Variants in CHFR observed in about 807,000 individuals in gnomAD.
CHFR encodes the protein E3 ubiquitin-protein ligase CHFR.
CHFR carries 57 observed loss-of-function variants against 87.6 expected under a neutral mutation model. The observed-to-expected ratio is 0.65, with a 90% CI of 0.53 to 0.81. The LOEUF is 0.81. CHFR is among the 30% of genes least tolerant of loss of function. The pLI, the probability that CHFR is intolerant of heterozygous loss-of-function variation, is 0.00. For synonymous variants in CHFR, 381 were observed against 359.2 expected, an observed-to-expected ratio of 1.06 and a Z score of -0.69; for missense variants, 797 against 865.8, an observed-to-expected ratio of 0.92 and a Z score of 1.00.
intron 10 of CHFR, chr12:132,855,148 G>A (rs1593467487): frequency 6.6e-6 from 1 of 150,860 alleles, no homozygotes; most frequent in Non-Finnish European, 1.5e-5. Context: ...AGGCTAACAC[G>A]GGAGAATCAC....
In CHFR at chr12:132,839,718, C is replaced by T. The variant is rs1223703877; in HGVS notation, c.*1836G>A. The stretch of plus-strand genomic sequence containing the variant: ...AAGACTTCCCTTCTTGGCCTCACCC[C>T]TGCACAAACGTGCAAACTCCCCTTT... On this transcript the variant is annotated 3_prime_UTR_variant, in exon 18 of 18. Coordinates refer to ENST00000450056, the MANE Select transcript of CHFR (RefSeq NM_001161346.2). 5.9e-6 allele frequency: 1 copy of T among 170,554 alleles called. No homozygotes were observed. The highest frequency in any genetic ancestry group is 1.3e-5 in the Non-Finnish European group (1 of 79,084). 10.6% of individuals were successfully genotyped at this position (170,554 alleles called of 1,614,324 possible).
intron 12 of CHFR, 124 bp downstream of exon 12, chr12:132,851,494 A>G (rs1008461321): frequency 1.3e-5 from 15 of 1,161,478 alleles, no homozygotes; most frequent in Admixed American, 2.5e-5. Context: ...AACTGATCAC[A>G]CTGATGGAAA....
rs768065335 is a variant in CHFR at position 132,851,638 on chromosome 12, G to A, written c.1472C>T (p.Pro491Leu). 2.4e-5 allele frequency: 39 copies of A among 1,612,290 alleles called. No homozygotes were observed. The highest frequency in any genetic ancestry group is 1.6e-4 in the Middle Eastern group (1 of 6,084). Reference protein sequence around the residue: ...PDRRAEREQDPRVAPQQCAVC... With the variant: ...PDRRAEREQDLRVAPQQCAVC... Reference sequence around the variant, plus strand: ...CTCACACTGCTGAGGGGCGACACGCGGGTCCTGCTCGCGCTCCGCTCTCCG... The same window carrying A: ...CTCACACTGCTGAGGGGCGACACGCAGGTCCTGCTCGCGCTCCGCTCTCCG... Residue 491 changes from proline to leucine, a missense_variant, in exon 12 of 18, where the codon CCG (proline) becomes CTG (leucine). Pro to Leu is a moderately conservative substitution (Grantham distance 98). Coordinates refer to ENST00000450056, the MANE Select transcript of CHFR (RefSeq NM_001161346.2).
At chr12:132,864,359 T>C (rs771109077) in intron 6 of CHFR, among the ~76,000 whole-genome samples, 5 of 152,262 alleles carry the variant, frequency 3.3e-5, no homozygotes, top group Non-Finnish European at 5.9e-5. Context: ...AGGAGCACCA[T>C]CTTACCACTT....
chr12:132,848,299 A>C, intron 13 of CHFR, 144 bp from the exon 14 acceptor site: 1 of 1,435,062 alleles, frequency 7.0e-7, no homozygotes, highest in Non-Finnish European at 9.6e-7. Flanking sequence ...TCAATTTTAA[A>C]CAGAGGACAA....
At chr12:132,866,410 C>T (rs1330822090) in intron 6 of CHFR, 2 of 151,660 alleles carry the variant, frequency 1.3e-5, no homozygotes, top group Non-Finnish European at 2.9e-5. Flanking sequence ...GACCGGAACA[C>T]CACACCGGAA....
At chr12:132,866,555 C>G (rs1401841318) in intron 6 of CHFR, 1 of 143,746 alleles carries the variant, frequency 7.0e-6, no homozygotes, top group Admixed American at 6.9e-5. Flanking sequence ...CAACACACCG[C>G]GATTGTTACA....
At chr12:132,874,395 G>A (rs1951567522) in intron 3 of CHFR, among the ~76,000 whole-genome samples, 1 of 151,404 alleles carries the variant, frequency 6.6e-6, no homozygotes, top group African/African-American at 2.4e-5. Context: ...CCCTGGAACA[G>A]GTAGAAAGGC....
rs1446218228 is a variant in CHFR at position 132,869,653 on chromosome 12, A to C, written c.549T>G (p.Pro183=). ...FPTASASSTE[P]SPAGRERSSS... Reference sequence around the variant, plus strand: ...AGGAACGCTCTCGCCCTGCAGGAGAAGGCTCCGTGGAAGAGGCCGAGGCTG... The same window carrying C: ...AGGAACGCTCTCGCCCTGCAGGAGACGGCTCCGTGGAAGAGGCCGAGGCTG... Residue 183 remains proline, a synonymous_variant, in exon 6 of 18, where the codon CCT becomes CCG. Coordinates refer to ENST00000450056, the MANE Select transcript of CHFR (RefSeq NM_001161346.2). The C allele has an allele frequency of 9.7e-6, 15 of 1,551,704 alleles. No individual in the cohort carries two copies. The South Asian group carries it at 1.8e-4, about 18-fold the overall frequency.
intron 6 of CHFR, among the ~76,000 whole-genome samples, chr12:132,863,364 G>C (rs537365941): frequency 2.6e-5 from 4 of 152,066 alleles, no homozygotes; most frequent in African/African-American, 9.6e-5. Context: ...AAAATTGGCC[G>C]GGTGTGGTGG....
intron 8 of CHFR, 77 bp from the exon 9 acceptor site, chr12:132,857,636 C>T: frequency 6.9e-7 from 1 of 1,455,642 alleles, no homozygotes; most frequent in Non-Finnish European, 9.4e-7. Context: ...CCGCAGCAGC[C>T]CCACCACGGA....
At chr12:132,872,478 G>T in intron 3 of CHFR, 84 bp from the exon 4 acceptor site, 2 of 865,784 alleles carry the variant, frequency 2.3e-6, no homozygotes, top group Non-Finnish European at 3.8e-6. Flanking sequence ...TTAGCAAGCA[G>T]CTCGATATGA....
rs1950652579 is a variant in CHFR at position 132,836,988 on chromosome 12, GGGAAACT to G, written c.*4559_*4565del. The G allele has an allele frequency of 2.8e-6, 1 of 359,456 alleles. No individual in the cohort carries two copies. The allele number at this position is 359,456 out of a possible 1,614,324, so 22.3% of individuals were successfully genotyped here. The stretch of plus-strand genomic sequence containing the variant: ...CTTTCCGATAGTGACAGGTGCTGGG[GGGAAACT>G]AGACTGGCTGGCGGGGTGGGGGCAG... On this transcript the variant is annotated 3_prime_UTR_variant, in exon 18 of 18. Coordinates refer to ENST00000450056, the MANE Select transcript of CHFR (RefSeq NM_001161346.2).
chr12:132,861,652 C>T lies in CHFR; in HGVS notation c.584-18G>A. On this transcript the variant is annotated intron_variant, in intron 6 of 17. Transcript: ENST00000450056. ...CCCAGACCCTGTGAGAGGAATCAAACAAGATAGGTGCTGATCCATCCAGCT... is the reference window on the plus strand; with the variant it reads ...CCCAGACCCTGTGAGAGGAATCAAATAAGATAGGTGCTGATCCATCCAGCT... The T allele has an allele frequency of 1.2e-6, 2 of 1,612,676 alleles. No homozygotes were observed. Among genetic ancestry groups the T allele is most frequent in the South Asian group, 1.1e-5 (1 of 90,974 alleles).
rs1334434312 is a variant in CHFR at position 132,838,862 on chromosome 12, C to G, written c.*2692G>C. 6.6e-6 allele frequency: 1 copy of G among 152,454 alleles called. No individual in the cohort carries two copies. The highest frequency in any genetic ancestry group is 1.9e-4 in the East Asian group (1 of 5,198). The allele number at this position is 152,454 out of a possible 1,614,324, so 9.4% of individuals were successfully genotyped here. Reference sequence around the variant, plus strand: ...GCTCCTTACCACACCCGAGGAGTAACTGCCCTGATCTCCCTGCCTCCATAA... The same window carrying G: ...GCTCCTTACCACACCCGAGGAGTAAGTGCCCTGATCTCCCTGCCTCCATAA... On this transcript the variant is annotated 3_prime_UTR_variant, in exon 18 of 18. Coordinates refer to ENST00000450056, the MANE Select transcript of CHFR (RefSeq NM_001161346.2).
chr12:132,873,794 C>T (rs1268032995), intron 3 of CHFR, among the ~76,000 whole-genome samples: 2 of 152,186 alleles, frequency 1.3e-5, no homozygotes, highest in Non-Finnish European at 2.9e-5. Flanking sequence ...CCCCAGATGC[C>T]GAGGGGCGAC....
In CHFR at chr12:132,851,699, C is replaced by T. The variant is rs1454391193; in HGVS notation, c.1411G>A (p.Ala471Thr). Residue 471 changes from alanine (A) to threonine (T), a missense_variant, in exon 12 of 18, where the codon GCC (alanine) becomes ACC (threonine). Transcript: ENST00000450056. ...DYVCPLQGSH[A>T]LCTCCFQPMP... The stretch of plus-strand genomic sequence containing the variant: ...GGCTGGAAGCAGCAGGTGCACAGGG[C>T]GTGGCTTCCTTGCAGAGGGCACACG... The T allele has an allele frequency of 1.2e-5, 19 of 1,613,422 alleles. No individual in the cohort carries two copies. Among genetic ancestry groups the T allele is most frequent in the Non-Finnish European group, 1.6e-5 (19 of 1,179,924 alleles).
intron 15 of CHFR, among the ~76,000 whole-genome samples, chr12:132,846,115 C>T (rs1188316317): frequency 6.6e-6 from 1 of 152,148 alleles, no homozygotes; most frequent in African/African-American, 2.4e-5. Flanking sequence ...TCCCTTTGTT[C>T]AGTCCTGTAA....
intron 6 of CHFR, among the ~76,000 whole-genome samples, chr12:132,862,144 G>A (rs892326818): frequency 2.6e-5 from 4 of 152,066 alleles, no homozygotes; most frequent in African/African-American, 7.2e-5. Flanking sequence ...GCGTGGTGGC[G>A]AGTGCATGTA....
Sources: gnomAD v4.1 joint callset for allele counts (sites outside exome capture counted in the v4.1 genomes callset) on GRCh38, gnomAD v4.1.1 for gene constraint, MANE v1.5 for transcripts, NCBI Gene and HGNC (gene_info 2026-07-23, HGNC 2026-07-21) for gene names.